Variants in TRABD2A observed in about 807,000 individuals in gnomAD.
The protein encoded by TRABD2A is TraB domain containing 2A.
A neutral mutation model predicts 45.6 loss-of-function variants in TRABD2A; 43 were observed. The ratio of observed to expected loss-of-function variants is 0.94; its 90% CI spans 0.74 to 1.22. The LOEUF is 1.22. Among genes scored for constraint, TRABD2A ranks in the 50% most tolerant of loss-of-function variants. The probability of loss-of-function intolerance (pLI) is 0.00; values close to 1 mark genes in which losing one functional copy is unlikely to be tolerated. For missense variants in TRABD2A, 642 were observed against 652.4 expected (o/e 0.98, Z 0.17); for synonymous variants, 269 against 265.0 (o/e 1.02, Z -0.15).
At chr2:84,845,282 G>GCAGA (rs1681846836) in intron 2 of TRABD2A, among the ~76,000 whole-genome samples, 1 of 152,230 alleles carries the variant, frequency 6.6e-6, no homozygotes, top group Admixed American at 6.5e-5. Context: ...AACCTGGGAG[G>GCAGA]CAGAGGTTGC....
At chr2:84,833,390 A>G (rs997069364) in intron 4 of TRABD2A, 2 of 152,224 alleles carry the variant, frequency 1.3e-5, no homozygotes, top group South Asian at 2.1e-4. Flanking sequence ...TTCATTTGCA[A>G]ATAAGGAACT....
chr2:84,878,770 T>C (rs1270834871), intron 1 of TRABD2A, among the ~76,000 whole-genome samples: 1 of 152,130 alleles, frequency 6.6e-6, no homozygotes, highest in Middle Eastern at 3.2e-3. Context: ...ATCCCAGGAC[T>C]TCCACTCTAG....
At chr2:84,869,681 TA>T (rs1682804724) in intron 2 of TRABD2A, among the ~76,000 whole-genome samples, 1 of 152,168 alleles carries the variant, frequency 6.6e-6, no homozygotes, top group Non-Finnish European at 1.5e-5. Flanking sequence ...AGATGCATTT[TA>T]AAAGCACACA....
Position 84,863,239 on chromosome 2 carries a change from C to CTTTTTTTTTTT in TRABD2A, c.669+6975_669+6985dup, listed in dbSNP as rs773927512. 7.0e-4 allele frequency among the ~76,000 whole-genome samples: 69 copies of CTTTTTTTTTTT among 98,136 alleles called. 4 individuals carry two copies. Among genetic ancestry groups the CTTTTTTTTTTT allele is most frequent in the African/African-American group, 2.4e-3 (55 of 22,662 alleles). The allele number at this position is 98,136 out of a possible 152,430, so 64.4% of individuals were successfully genotyped here. On this transcript the variant is annotated intron_variant, in intron 2 of 6. Coordinates refer to ENST00000409520, the MANE Select transcript of TRABD2A (RefSeq NM_001277053.2). ...CCAAAAGGTTAGACTTCATGTGAAT[C>CTTTTTTTTTTT]TTTTTTTTTTTTTTTTTTTTTTTGA...
chr2:84,859,706 C>T (rs1682430729), intron 2 of TRABD2A, among the ~76,000 whole-genome samples: 1 of 152,156 alleles, frequency 6.6e-6, no homozygotes, highest in Admixed American at 6.5e-5. Context: ...CAGAAACACC[C>T]AGAGGGCCGG....
At chr2:84,833,665 T>C (rs1681410835) in intron 4 of TRABD2A, 1 of 152,022 alleles carries the variant, frequency 6.6e-6, no homozygotes, top group South Asian at 2.1e-4. Context: ...GTTTCCTCTG[T>C]TCAACTTAGC....
At chr2:84,825,875 C>T (rs1237577792) in intron 5 of TRABD2A, among the ~76,000 whole-genome samples, 2 of 152,148 alleles carry the variant, frequency 1.3e-5, no homozygotes, top group African/African-American at 4.8e-5. Flanking sequence ...CCAGGGATCT[C>T]GGTTGCACAC....
intron 2 of TRABD2A, among the ~76,000 whole-genome samples, chr2:84,852,490 C>T (rs1408118886): frequency 6.6e-6 from 1 of 151,966 alleles, no homozygotes; most frequent in African/African-American, 2.4e-5. Context: ...CCAAAATGAC[C>T]ATGGGCTGGG....
At chr2:84,861,070 C>T (rs182774261) in intron 2 of TRABD2A, among the ~76,000 whole-genome samples, 36 of 152,258 alleles carry the variant, frequency 2.4e-4, no homozygotes, top group Non-Finnish European at 3.5e-4. Flanking sequence ...AAACACTTTC[C>T]ATCAGCCTGG....
chr2:84,880,361 C>T (rs1193729216), intron 1 of TRABD2A, among the ~76,000 whole-genome samples: 2 of 152,136 alleles, frequency 1.3e-5, no homozygotes, highest in Admixed American at 6.5e-5. Flanking sequence ...AGTGGTCACT[C>T]CGCGAACGCA....
intron 1 of TRABD2A, among the ~76,000 whole-genome samples, chr2:84,875,699 C>T (rs1012584326): frequency 1.3e-5 from 2 of 152,108 alleles, no homozygotes; most frequent in African/African-American, 4.8e-5. Context: ...TGATCAAATT[C>T]CAGATGTAGT....
At chr2:84,851,908 G>A (rs6743110) in intron 2 of TRABD2A, among the ~76,000 whole-genome samples, 9 of 152,042 alleles carry the variant, frequency 5.9e-5, no homozygotes, top group East Asian at 3.9e-4. Context: ...TTTATAAGCC[G>A]TTAATTTGCT....
At chr2:84,868,603 G>A (rs1467914305) in intron 2 of TRABD2A, among the ~76,000 whole-genome samples, 4 of 151,444 alleles carry the variant, frequency 2.6e-5, no homozygotes, top group African/African-American at 9.8e-5. Flanking sequence ...ACACCAATAT[G>A]GCGCATGTAT....
chr2:84,822,701 G>A lies in TRABD2A; in HGVS notation c.1335-601C>T, dbSNP rs149087720. On this transcript the variant is annotated intron_variant, in intron 6 of 6. Transcript: ENST00000409520. ...TCAATTTATTCCTCTGTCAATGGAGGATGGTTCATGAGTCACCCTGGGACA... is the reference window on the plus strand; with the variant it reads ...TCAATTTATTCCTCTGTCAATGGAGAATGGTTCATGAGTCACCCTGGGACA... Among the ~76,000 whole-genome samples, 17 of 152,310 alleles carry A rather than the reference G, an allele frequency of 1.1e-4. No homozygotes were observed. The East Asian group carries it at 2.1e-3, about 19-fold the overall frequency.
intron 4 of TRABD2A, among the ~76,000 whole-genome samples, chr2:84,838,471 T>G (rs1241896198): frequency 6.6e-6 from 1 of 152,206 alleles, no homozygotes; most frequent in Non-Finnish European, 1.5e-5. Context: ...CAGAATTGCT[T>G]CTCTCCAACC....
At chr2:84,870,890 A>C in intron 1 of TRABD2A, 105 bp from the exon 2 acceptor site, 1 of 1,187,144 alleles carries the variant, frequency 8.4e-7, no homozygotes, top group Non-Finnish European at 1.2e-6. Flanking sequence ...AAAGATATCA[A>C]AGTAGAATTT....
intron 4 of TRABD2A, chr2:84,832,824 G>T (rs1342733352): frequency 6.6e-6 from 1 of 151,640 alleles, no homozygotes; most frequent in Non-Finnish European, 1.5e-5. Context: ...GGAGGGGGGG[G>T]AATTCCCAAC....
chr2:84,872,873 G>A (rs764754760), intron 1 of TRABD2A, among the ~76,000 whole-genome samples: 2 of 152,132 alleles, frequency 1.3e-5, no homozygotes, highest in Non-Finnish European at 2.9e-5. Flanking sequence ...CCAGCACTTC[G>A]GGAGGCCGAG....
chr2:84,880,841 G>A, intron 1 of TRABD2A, 91 bp downstream of exon 1: 1 of 1,526,942 alleles, frequency 6.5e-7, no homozygotes, highest in Non-Finnish European at 8.8e-7. Context: ...TCGGCTCGGG[G>A]TCCGAAAGCG....
Sources: gnomAD v4.1 joint callset for allele counts (sites outside exome capture counted in the v4.1 genomes callset) on GRCh38, gnomAD v4.1.1 for gene constraint, MANE v1.5 for transcripts, NCBI Gene and HGNC (gene_info 2026-07-23, HGNC 2026-07-21) for gene names.